Variants in CEP63 observed in about 807,000 individuals in gnomAD.
CEP63 encodes the protein centrosomal protein 63.
CEP63 carries 84 observed loss-of-function variants against 89.1 expected under a neutral mutation model. That is an observed-to-expected ratio of 0.94 (90% CI 0.79 to 1.13). CEP63 has a LOEUF of 1.13. CEP63 is among the 50% of genes most tolerant of loss of function. The pLI, the probability that CEP63 is intolerant of heterozygous loss-of-function variation, is 0.00. For synonymous variants in CEP63, 267 were observed against 272.5 expected (o/e 0.98, Z 0.20); for missense variants, 838 against 813.3 (o/e 1.03, Z -0.37).
the CEP63 span, among the ~76,000 whole-genome samples, chr3:134,731,651 G>T: frequency 6.6e-6 from 1 of 152,262 alleles, no homozygotes; most frequent in Non-Finnish European, 1.5e-5. Context: ...GAGAAGGCAA[G>T]CAAGTAAAGC....
chr3:134,698,755 A>G, the CEP63 span, among the ~76,000 whole-genome samples: 2 of 152,180 alleles, frequency 1.3e-5, no homozygotes, highest in African/African-American at 4.8e-5. Flanking sequence ...GGCTACCTCC[A>G]TCAATGTCTC....
At position 134,584,956 on chromosome 3, in the gene CEP63, G is replaced by GTTTTTTT. The variant is rs780691730; in HGVS notation, c.1207-2490_1207-2484dup. On this transcript the variant is annotated intron_variant, in intron 10 of 10. Coordinates refer to the CEP63 transcript ENST00000683931. ...ATCCATTTCTTCTAGATTTTCTAGG[G>GTTTTTTT]TTTTTTTTTTTTTTTTTTGCATGGA... is the stretch of plus-strand genomic sequence containing the variant. Among the ~76,000 whole-genome samples, 44 of 35,998 alleles carry GTTTTTTT rather than the reference G, an allele frequency of 1.2e-3. 5 individuals carry two copies. The highest frequency in any genetic ancestry group is 0.016 in the Middle Eastern group (1 of 62). 23.6% of individuals were successfully genotyped at this position (35,998 alleles called of 152,430 possible).
chr3:134,492,293 A>G (rs1466303062), intron 1 of CEP63, among the ~76,000 whole-genome samples: 4 of 152,042 alleles, frequency 2.6e-5, no homozygotes, highest in African/African-American at 7.2e-5. Context: ...AGGATGGTCT[A>G]ATTTTATGTA....
At chr3:134,691,359 A>T in the CEP63 span, among the ~76,000 whole-genome samples, 1 of 149,542 alleles carries the variant, frequency 6.7e-6, no homozygotes, top group East Asian at 2.0e-4. Context: ...TCCTGTCTGT[A>T]ATCCCAGCAC....
chr3:134,715,515 GTTT>G, the CEP63 span, among the ~76,000 whole-genome samples: 1 of 146,364 alleles, frequency 6.8e-6, no homozygotes, highest in Non-Finnish European at 1.5e-5. Flanking sequence ...GCCAGGAAAG[GTTT>G]TTTTTTTTTG....
chr3:134,583,377 C>T (rs1333767525), intron 10 of CEP63, among the ~76,000 whole-genome samples: 3 of 152,122 alleles, frequency 2.0e-5, no homozygotes, highest in Non-Finnish European at 4.4e-5. Flanking sequence ...GGAAGGGATC[C>T]AGTTTCAGCT....
At chr3:134,558,024 A>G in intron 12 of CEP63, 118 bp from the exon 13 acceptor site, 1 of 854,184 alleles carries the variant, frequency 1.2e-6, no homozygotes, top group Non-Finnish European at 2.0e-6. Flanking sequence ...ACAAAGCTTC[A>G]TTAAAGCCAT....
intron 2 of CEP63, among the ~76,000 whole-genome samples, chr3:134,497,423 G>A (rs1419922322): frequency 6.6e-6 from 1 of 152,134 alleles, no homozygotes; most frequent in Non-Finnish European, 1.5e-5. Flanking sequence ...GCAGGCTGGA[G>A]TACAGCAGCA....
the CEP63 span, among the ~76,000 whole-genome samples, chr3:134,646,733 C>T: frequency 6.6e-6 from 1 of 152,182 alleles, no homozygotes; most frequent in Non-Finnish European, 1.5e-5. Flanking sequence ...CTAGGGCTCA[C>T]ATAGCTGCGG....
the CEP63 span, among the ~76,000 whole-genome samples, chr3:134,743,958 A>G: frequency 6.6e-6 from 1 of 152,140 alleles, no homozygotes; most frequent in Non-Finnish European, 1.5e-5. Context: ...AAGGCAGAGC[A>G]CAGAAGTCAT....
the CEP63 span, chr3:134,615,381 AACATC>A: frequency 6.6e-6 from 1 of 150,660 alleles, no homozygotes; most frequent in Non-Finnish European, 1.5e-5. Flanking sequence ...CACGTGTGAA[AACATC>A]TATTGGGAAA....
At chr3:134,558,099 A>G (rs753826365) in intron 12 of CEP63, 43 bp from the exon 13 acceptor site, 3 of 1,492,508 alleles carry the variant, frequency 2.0e-6, no homozygotes, top group South Asian at 2.3e-5. Context: ...GATCACAGGT[A>G]TTCTTGTACA....
the CEP63 span, among the ~76,000 whole-genome samples, chr3:134,623,869 C>A: frequency 6.6e-6 from 1 of 152,134 alleles, no homozygotes; most frequent in African/African-American, 2.4e-5. Context: ...CCTGGCCTTG[C>A]CCCAGCCCCT....
At chr3:134,713,667 G>T in the CEP63 span, among the ~76,000 whole-genome samples, 100,110 of 151,834 alleles carry the variant, frequency 0.66, 33,238 homozygotes, top group East Asian at 0.78. Flanking sequence ...TCTGGGGTAT[G>T]AGATTGGTCT....
the CEP63 span, among the ~76,000 whole-genome samples, chr3:134,757,387 G>A: frequency 2.6e-5 from 4 of 152,158 alleles, no homozygotes; most frequent in African/African-American, 4.8e-5. Flanking sequence ...AGCAAAATGA[G>A]TTACATAAAT....
rs1171740963 is a variant in CEP63, at chr3:134,545,641, C to T, written c.611C>T (p.Ser204Leu). ...KLESVELSSQ[S>L]EIQHLSSKLE... ...GAGTCTGTGGAACTTTCTAGCCAAT[C>T]AGAAATTCAACACTTAAGCAGTAAA... Residue 204 changes from serine to leucine, a missense_variant, in exon 7 of 15, where the codon TCA becomes TTA. Physicochemically the swap from Ser to Leu is moderately radical, Grantham distance 145. Transcript: ENST00000675561. 7 of 1,613,998 alleles carry T rather than the reference C, an allele frequency of 4.3e-6. 1 individual carries two copies. The African/African-American group carries it at 8.0e-5, about 18-fold the overall frequency.
the CEP63 span, among the ~76,000 whole-genome samples, chr3:134,758,544 A>G: frequency 6.6e-6 from 1 of 152,222 alleles, no homozygotes; most frequent in Non-Finnish European, 1.5e-5. Context: ...CACACATGAG[A>G]AACCTAAGTA....
the CEP63 span, chr3:134,608,249 C>T: frequency 8.4e-7 from 1 of 1,193,800 alleles, no homozygotes. Context: ...CTATGTGTAG[C>T]CAGGGTGACG....
At chr3:134,518,925 G>C (rs1946815323) in intron 3 of CEP63, among the ~76,000 whole-genome samples, 2 of 151,986 alleles carry the variant, frequency 1.3e-5, no homozygotes, top group South Asian at 4.2e-4. Context: ...GAAAAAAGGG[G>C]GGAAAATAAC....
Sources: allele counts gnomAD v4.1 joint callset (sites outside exome capture counted in the v4.1 genomes callset), GRCh38; gene constraint gnomAD v4.1.1; transcripts MANE v1.5; gene names NCBI Gene and HGNC (gene_info 2026-07-23, HGNC 2026-07-21).